HS6ST2: variants seen among roughly 807,000 people sequenced by gnomAD.
The protein encoded by HS6ST2 is heparan-sulfate 6-O-sulfotransferase 2.
A neutral mutation model predicts 33.0 loss-of-function variants in HS6ST2; 17 were observed. That is an observed-to-expected ratio of 0.52 (90% confidence interval 0.35 to 0.77). The LOEUF (loss-of-function observed/expected upper bound fraction) is 0.77. Ranked by LOEUF, HS6ST2 falls within the 30% of genes least tolerant of loss-of-function variation. The pLI is 0.01. For synonymous variants in HS6ST2, 248 were observed against 237.1 expected (o/e 1.05, Z -0.42); for missense variants, 519 against 551.7 (o/e 0.94, Z 0.59).
At chrX:132,631,536 G>A (rs1411795034) in intron 4 of HS6ST2, among the ~76,000 whole-genome samples, 1 of 109,922 alleles carries the variant, frequency 9.1e-6, no homozygotes, top group Non-Finnish European at 1.9e-5. Flanking sequence ...CATCCATTCA[G>A]TGCATACTTA....
chrX:132,804,880 C>G (rs972540369), intron 2 of HS6ST2, among the ~76,000 whole-genome samples: 5 of 111,699 alleles, frequency 4.5e-5, no homozygotes, highest in African/African-American at 1.3e-4. Context: ...GACATTGAAA[C>G]TGATTCTTCT....
At chrX:132,895,150 C>T (rs1212288925) in intron 2 of HS6ST2, among the ~76,000 whole-genome samples, 1 of 111,806 alleles carries the variant, frequency 8.9e-6, no homozygotes, top group African/African-American at 3.3e-5. Context: ...TAACTCATTA[C>T]GTTTTACTGT....
chrX:132,842,106 C>T (rs1195970255), intron 2 of HS6ST2, among the ~76,000 whole-genome samples: 2 of 111,768 alleles, frequency 1.8e-5, no homozygotes, highest in Non-Finnish European at 3.8e-5. Context: ...TGAGATAATT[C>T]GGTCACTACA....
chrX:132,699,146 T>C (rs954813839), intron 3 of HS6ST2, among the ~76,000 whole-genome samples: 3 of 111,188 alleles, frequency 2.7e-5, no homozygotes, highest in Non-Finnish European at 5.7e-5. Context: ...TGCCAAGACA[T>C]AAAATACCTC....
chrX:132,702,800 AACAC>A (rs372993140), intron 3 of HS6ST2, among the ~76,000 whole-genome samples: 2 of 108,456 alleles, frequency 1.8e-5, no homozygotes, highest in East Asian at 2.9e-4. Flanking sequence ...ATTTCCCTCC[AACAC>A]ACACACACAC....
chrX:132,643,932 C>T (rs1019025019), intron 4 of HS6ST2, among the ~76,000 whole-genome samples: 3 of 111,734 alleles, frequency 2.7e-5, no homozygotes, highest in Admixed American at 9.5e-5. Context: ...GATCTGCTTG[C>T]GTGCTGCGTG....
chrX:132,920,224 C>A (rs1927887317), intron 2 of HS6ST2, among the ~76,000 whole-genome samples: 2 of 110,670 alleles, frequency 1.8e-5, no homozygotes, highest in Admixed American at 1.9e-4. Context: ...GTCTGGCCAT[C>A]CCAGATACAG....
chrX:132,857,223 C>T (rs765218617), intron 2 of HS6ST2, among the ~76,000 whole-genome samples: 2 of 112,299 alleles, frequency 1.8e-5, no homozygotes, highest in Non-Finnish European at 3.8e-5. Context: ...CGGTGGCTCA[C>T]GCCTGTAATC....
chrX:132,814,207 G>A (rs1476908552), intron 2 of HS6ST2, among the ~76,000 whole-genome samples: 2 of 112,198 alleles, frequency 1.8e-5, no homozygotes, highest in African/African-American at 3.2e-5. Flanking sequence ...GCCTCCCAAA[G>A]TGCTGGGATT....
At chrX:132,941,818 TAA>T in intron 2 of HS6ST2, among the ~76,000 whole-genome samples, 1 of 111,379 alleles carries the variant, frequency 9.0e-6, no homozygotes. Context: ...TTTATTTGCT[TAA>T]GTCATAAAAA....
At chrX:132,712,077 CTA>C (rs1380450950) in intron 2 of HS6ST2, among the ~76,000 whole-genome samples, 2 of 111,877 alleles carry the variant, frequency 1.8e-5, no homozygotes, top group Non-Finnish European at 3.8e-5. Flanking sequence ...ATAGTACACT[CTA>C]TGATAAATAA....
At chrX:132,858,855 A>T (rs1225918740) in intron 2 of HS6ST2, among the ~76,000 whole-genome samples, 1 of 112,180 alleles carries the variant, frequency 8.9e-6, no homozygotes, top group Non-Finnish European at 1.9e-5. Context: ...TTTATGTGGA[A>T]TATCAAAAGG....
intron 4 of HS6ST2, among the ~76,000 whole-genome samples, chrX:132,641,383 G>C (rs1441590807): frequency 1.8e-5 from 2 of 112,576 alleles, no homozygotes; most frequent in South Asian, 7.3e-4. Flanking sequence ...ACCATCTCAA[G>C]TGATCTGCCC....
intron 2 of HS6ST2, among the ~76,000 whole-genome samples, chrX:132,755,771 C>T (rs1301244734): frequency 1.8e-5 from 2 of 111,728 alleles, no homozygotes; most frequent in East Asian, 2.8e-4. Context: ...TCCATGATCG[C>T]GCCTATGAAT....
intron 2 of HS6ST2, among the ~76,000 whole-genome samples, chrX:132,737,280 G>A (rs959337491): frequency 3.6e-5 from 4 of 111,644 alleles, no homozygotes; most frequent in African/African-American, 1.3e-4. Flanking sequence ...GTATGGACCT[G>A]AGAGTCCCTT....
At chrX:132,664,803 C>T (rs908691675) in intron 4 of HS6ST2, among the ~76,000 whole-genome samples, 1 of 111,855 alleles carries the variant, frequency 8.9e-6, no homozygotes, top group African/African-American at 3.3e-5. Context: ...GAGGAGTGAT[C>T]GAGTTCCATC....
intron 2 of HS6ST2, among the ~76,000 whole-genome samples, chrX:132,845,814 C>G (rs1181391479): frequency 4.5e-5 from 5 of 111,494 alleles, no homozygotes; most frequent in African/African-American, 1.6e-4. Context: ...CCAAAAGACT[C>G]CCATCAAATA....
At chrX:132,843,328 TAC>T in intron 2 of HS6ST2, among the ~76,000 whole-genome samples, 1 of 112,127 alleles carries the variant, frequency 8.9e-6, no homozygotes. Context: ...TTATACCACT[TAC>T]ATGGGTTTTG....
intron 2 of HS6ST2, among the ~76,000 whole-genome samples, chrX:132,777,533 C>A (rs762131087): frequency 1.8e-5 from 2 of 109,339 alleles, no homozygotes; most frequent in East Asian, 5.7e-4. Flanking sequence ...AGGATTCAGG[C>A]GATTCTCCTG....
Sources: allele counts gnomAD v4.1 joint callset (sites outside exome capture counted in the v4.1 genomes callset), GRCh38; gene constraint gnomAD v4.1.1; transcripts MANE v1.5; gene names NCBI Gene and HGNC (gene_info 2026-07-23, HGNC 2026-07-21).